CDH13: variants seen among roughly 807,000 people sequenced by gnomAD.
CDH13 encodes cadherin 13.
CDH13 carries 24 observed loss-of-function variants against 63.8 expected under a neutral mutation model. The observed-to-expected ratio is 0.38, with a 90% CI of 0.27 to 0.53. CDH13 has a LOEUF of 0.53. Among genes scored for constraint, CDH13 ranks in the 20% least tolerant of loss-of-function variants. CDH13 has a pLI of 0.85. For synonymous variants in CDH13, 503 were observed against 355.3 expected, an observed-to-expected ratio of 1.42 and a Z score of -4.67; for missense variants, 1,049 against 903.1, an observed-to-expected ratio of 1.16 and a Z score of -2.07.
intron 7 of CDH13, among the ~76,000 whole-genome samples, chr16:83,505,396 C>G (rs1347593205): frequency 1.3e-5 from 2 of 152,160 alleles, no homozygotes; most frequent in African/African-American, 4.8e-5. Context: ...AGATTCCTCC[C>G]CCAGGACCCT....
chr16:82,892,381 T>C (rs2041110787), intron 2 of CDH13, among the ~76,000 whole-genome samples: 1 of 152,206 alleles, frequency 6.6e-6, no homozygotes, highest in African/African-American at 2.4e-5. Flanking sequence ...GGGATGACAT[T>C]TGACTGTTTT....
intron 1 of CDH13, among the ~76,000 whole-genome samples, chr16:82,810,041 C>G (rs184775822): frequency 6.6e-6 from 1 of 152,204 alleles, no homozygotes; most frequent in Non-Finnish European, 1.5e-5. Context: ...GGTGCCTTAG[C>G]ACGCTCTCAT....
intron 5 of CDH13, among the ~76,000 whole-genome samples, chr16:83,259,787 CAA>C (rs1456031636): frequency 1.3e-5 from 2 of 152,086 alleles, no homozygotes; most frequent in Non-Finnish European, 2.9e-5. Flanking sequence ...AGCCCTGAGG[CAA>C]AGAGGTATCC....
At chr16:83,008,995 C>G (rs1325299890) in intron 2 of CDH13, among the ~76,000 whole-genome samples, 2 of 152,130 alleles carry the variant, frequency 1.3e-5, no homozygotes, top group Non-Finnish European at 2.9e-5. Context: ...CCTTATAAAA[C>G]CATCAGATCT....
intron 4 of CDH13, among the ~76,000 whole-genome samples, chr16:83,201,206 A>G (rs555392714): frequency 6.6e-6 from 1 of 152,130 alleles, no homozygotes; most frequent in African/African-American, 2.4e-5. Flanking sequence ...TTATTTATTA[A>G]AAAATATTTG....
At chr16:82,743,296 A>T (rs898956375) in intron 1 of CDH13, among the ~76,000 whole-genome samples, 3 of 152,130 alleles carry the variant, frequency 2.0e-5, no homozygotes, top group African/African-American at 7.2e-5. Flanking sequence ...GCACTCTCTC[A>T]GCTCACTGCA....
intron 6 of CDH13, among the ~76,000 whole-genome samples, chr16:83,473,673 T>G (rs2073524804): frequency 6.6e-6 from 1 of 152,186 alleles, no homozygotes; most frequent in South Asian, 2.1e-4. Context: ...AGCCACTCTG[T>G]AGGGAGAATT....
At chr16:82,666,471 T>G (rs1404301114) in intron 1 of CDH13, among the ~76,000 whole-genome samples, 1 of 152,220 alleles carries the variant, frequency 6.6e-6, no homozygotes, top group Non-Finnish European at 1.5e-5. Flanking sequence ...ACTTGAATAC[T>G]TGGTGGGTAC....
chr16:83,203,551 G>A (rs577165982), intron 4 of CDH13, among the ~76,000 whole-genome samples: 8 of 150,730 alleles, frequency 5.3e-5, no homozygotes, highest in South Asian at 2.1e-4. Context: ...GCCGGCTGTC[G>A]TGGTGGGTGC....
chr16:83,430,249 C>T (rs1005503105), intron 6 of CDH13, among the ~76,000 whole-genome samples: 1 of 152,140 alleles, frequency 6.6e-6, no homozygotes, highest in African/African-American at 2.4e-5. Flanking sequence ...CTCTCTTTTC[C>T]AGTTTGATTA....
At chr16:82,847,223 G>A (rs548240014) in intron 1 of CDH13, among the ~76,000 whole-genome samples, 1 of 152,354 alleles carries the variant, frequency 6.6e-6, no homozygotes, top group African/African-American at 2.4e-5. Context: ...CCCAATGGCT[G>A]CTGTAACAAA....
intron 1 of CDH13, among the ~76,000 whole-genome samples, chr16:82,813,687 G>T (rs935773362): frequency 6.6e-6 from 1 of 152,142 alleles, no homozygotes; most frequent in Non-Finnish European, 1.5e-5. Context: ...TCTAGAGCCT[G>T]TGAGGCCCAG....
At chr16:82,668,110 C>G (rs1218348049) in intron 1 of CDH13, among the ~76,000 whole-genome samples, 7 of 152,170 alleles carry the variant, frequency 4.6e-5, no homozygotes, top group Non-Finnish European at 2.9e-5. Flanking sequence ...GCCAGGGAGA[C>G]CTGCCTGGGG....
At chr16:83,749,268 A>G (rs892471626) in intron 11 of CDH13, among the ~76,000 whole-genome samples, 6 of 152,184 alleles carry the variant, frequency 3.9e-5, no homozygotes, top group Non-Finnish European at 7.3e-5. Flanking sequence ...TGGTCCTCGT[A>G]TGCCGGCTAC....
chr16:83,597,275 C>G (rs890991575), intron 7 of CDH13, among the ~76,000 whole-genome samples: 1 of 152,074 alleles, frequency 6.6e-6, no homozygotes, highest in Non-Finnish European at 1.5e-5. Context: ...AAATGTTCAT[C>G]CAGTAGGGAT....
intron 6 of CDH13, among the ~76,000 whole-genome samples, chr16:83,456,046 C>G (rs1407263796): frequency 1.3e-5 from 2 of 152,210 alleles, no homozygotes; most frequent in Non-Finnish European, 2.9e-5. Context: ...AGTTCTGAGC[C>G]TTTCTCACCT....
intron 2 of CDH13, among the ~76,000 whole-genome samples, chr16:82,929,376 C>T (rs759115336): frequency 6.6e-6 from 1 of 151,784 alleles, no homozygotes; most frequent in Non-Finnish European, 1.5e-5. Flanking sequence ...AAAAGACAGC[C>T]ATTGCCTGTA....
intron 5 of CDH13, among the ~76,000 whole-genome samples, chr16:83,311,241 C>T (rs1321398379): frequency 6.6e-6 from 1 of 152,162 alleles, no homozygotes; most frequent in Non-Finnish European, 1.5e-5. Context: ...TCCATGACCT[C>T]CTTTGGGGCT....
At chr16:83,088,470 C>T (rs983897913) in intron 3 of CDH13, among the ~76,000 whole-genome samples, 9 of 152,286 alleles carry the variant, frequency 5.9e-5, no homozygotes, top group South Asian at 4.1e-4. Context: ...AACCACAAAG[C>T]CCAGAGTTTT....
Sources: allele counts gnomAD v4.1 joint callset (sites outside exome capture counted in the v4.1 genomes callset), GRCh38; gene constraint gnomAD v4.1.1; transcripts MANE v1.5; gene names NCBI Gene and HGNC (gene_info 2026-07-23, HGNC 2026-07-21).